Variants in STK32C observed in about 807,000 individuals in gnomAD.
STK32C encodes the protein serine/threonine-protein kinase 32C.
A neutral mutation model predicts 56.5 loss-of-function variants in STK32C; 31 were observed. That is an observed-to-expected ratio of 0.55 (90% CI 0.41 to 0.74). The LOEUF is 0.74. Ranked by LOEUF, STK32C falls within the 30% of genes least tolerant of loss-of-function variation. The pLI is 0.00. For missense variants in STK32C, 544 were observed against 676.9 expected (o/e 0.80, Z 2.18); for synonymous variants, 309 against 289.4 (o/e 1.07, Z -0.69).
At chr10:132,209,822 G>A (rs1051198374) in intron 10 of STK32C, among the ~76,000 whole-genome samples, 5 of 152,218 alleles carry the variant, frequency 3.3e-5, no homozygotes, top group Non-Finnish European at 5.9e-5. Context: ...CCAAGTCACA[G>A]TGAAAAGTGC....
At chr10:132,290,129 T>C (rs1442069048) in intron 1 of STK32C, among the ~76,000 whole-genome samples, 1 of 152,032 alleles carries the variant, frequency 6.6e-6, no homozygotes, top group Non-Finnish European at 1.5e-5. Flanking sequence ...AGCAGATGCC[T>C]CCACCATAGA....
intron 1 of STK32C, among the ~76,000 whole-genome samples, chr10:132,305,445 T>C (rs2066029585): frequency 6.6e-6 from 1 of 152,192 alleles, no homozygotes; most frequent in Non-Finnish European, 1.5e-5. Flanking sequence ...TGTTTTAATC[T>C]AAAAAATTCA....
downstream of STK32C, among the ~76,000 whole-genome samples, chr10:132,319,578 G>A (rs769356414): frequency 6.6e-6 from 1 of 152,186 alleles, no homozygotes; most frequent in Admixed American, 6.5e-5. Context: ...ATGAAAAGAC[G>A]ACATACTGTC....
At position 132,255,856 on chromosome 10, in the gene STK32C, G is replaced by A. The variant is rs760108154; in HGVS notation, c.263-9901C>T. 2.6e-5 allele frequency among the ~76,000 whole-genome samples: 4 copies of A among 152,186 alleles called. No homozygotes were observed. Among genetic ancestry groups the A allele is most frequent in the Non-Finnish European group, 5.9e-5 (4 of 68,028 alleles). ...ACGTGCGCTGCCCACGCATCTCCGA[G>A]GGCCCAGCTGGCCACCTTCTCCTTC... On this transcript the variant is annotated intron_variant, in intron 1 of 11. Coordinates refer to ENST00000298630, the MANE Select transcript of STK32C (RefSeq NM_173575.4). This position sits in a 1 kb window ranked among gnomAD's most constrained non-coding sequence, Gnocchi z 4.6.
chr10:132,252,256 G>T (rs564064069), intron 1 of STK32C, among the ~76,000 whole-genome samples: 2 of 152,380 alleles, frequency 1.3e-5, no homozygotes, highest in African/African-American at 4.8e-5. Context: ...TCAGTGTGGG[G>T]GAAACACTCA....
rs187880726 is a variant in STK32C, at chr10:132,317,807, G to A, written c.301+13629C>T. ...ATCCTGGCCAACATGGTAAAACCCC[G>A]TCTCTGCTAAAAATACAAAAATTAG... On this transcript the variant is annotated intron_variant, in intron 1 of 3. Coordinates refer to the STK32C transcript ENST00000368620. Among the ~76,000 whole-genome samples the A allele has an allele frequency of 1.9e-3, 288 of 151,996 alleles. 5 individuals are homozygous for A. Among genetic ancestry groups the A allele is most frequent in the Non-Finnish European group, 2.5e-3 (168 of 67,964 alleles).
chr10:132,235,723 G>A (rs146619775), intron 2 of STK32C, among the ~76,000 whole-genome samples: 8 of 152,050 alleles, frequency 5.3e-5, no homozygotes, highest in African/African-American at 1.2e-4. Context: ...AGTGACCGGC[G>A]GTCACGGACC....
At chr10:132,285,051 G>A (rs370244316) in intron 1 of STK32C, among the ~76,000 whole-genome samples, 8 of 119,184 alleles carry the variant, frequency 6.7e-5, no homozygotes, top group Non-Finnish European at 1.0e-4. Context: ...GCATGAACCC[G>A]GAACACATTC....
chr10:132,321,582 C>T (rs1302736825), downstream of STK32C, among the ~76,000 whole-genome samples: 1 of 152,158 alleles, frequency 6.6e-6, no homozygotes, highest in Non-Finnish European at 1.5e-5. Flanking sequence ...ATAATCCCAG[C>T]ACTTTGGGAG....
chr10:132,212,460 T>A (rs1431265722), intron 10 of STK32C, among the ~76,000 whole-genome samples: 1 of 152,114 alleles, frequency 6.6e-6, no homozygotes, highest in African/African-American at 2.4e-5. Context: ...GCTGAAACTA[T>A]ACAAGACTTA....
chr10:132,281,178 GACAC>G (rs10556901), intron 1 of STK32C, among the ~76,000 whole-genome samples: 6,608 of 149,234 alleles, frequency 0.044, 165 homozygotes, highest in African/African-American at 0.075. Context: ...GATCCTCGTG[GACAC>G]ACACACACAC....
chr10:132,311,638 C>T (rs1439429860), upstream of STK32C, among the ~76,000 whole-genome samples: 1 of 152,236 alleles, frequency 6.6e-6, no homozygotes, highest in East Asian at 1.9e-4. The surrounding 1 kb of genome is among the most constrained non-coding windows in gnomAD (Gnocchi z 4.4). Flanking sequence ...CTGCAGTGCG[C>T]CGGGGCCGAG....
intron 2 of STK32C, among the ~76,000 whole-genome samples, chr10:132,237,096 G>C (rs72636967): frequency 6.6e-5 from 10 of 152,142 alleles, no homozygotes; most frequent in African/African-American, 2.2e-4. Context: ...ACAGCCTCCC[G>C]ACTGTTGAGA....
chr10:132,220,547 G>C (rs1167781152), intron 10 of STK32C, among the ~76,000 whole-genome samples: 1 of 152,226 alleles, frequency 6.6e-6, no homozygotes, highest in East Asian at 1.9e-4. Context: ...AGACTCAAAA[G>C]AGGACTAAAG....
Position 132,224,522 on chromosome 10 carries a change from C to G in STK32C, c.878G>C (p.Arg293Thr). ...GTTGCTGGAGTGGATGTCATAGGGC[C>G]TCTGGAGACAGGGAGGCAGTGCTGG... ...VMAYELLRGWRPYDIHSSNAV... is the reference protein window; with the variant it reads ...VMAYELLRGWTPYDIHSSNAV... Residue 293 changes from arginine to threonine, a missense_variant and splice_region_variant, in exon 8 of 12, where the codon AGG becomes ACG. Arg to Thr is a moderately conservative substitution (Grantham distance 71, BLOSUM62 -1). Transcript: ENST00000298630. 6.3e-7 allele frequency: 1 copy of G among 1,592,354 alleles called. No individual in the cohort carries two copies. The highest frequency in any genetic ancestry group is 8.5e-7 in the Non-Finnish European group (1 of 1,170,258).
At chr10:132,273,743 C>T (rs948243757) in intron 1 of STK32C, among the ~76,000 whole-genome samples, 1 of 151,950 alleles carries the variant, frequency 6.6e-6, no homozygotes, top group Non-Finnish European at 1.5e-5. Flanking sequence ...AATGAATGCA[C>T]AGTGAATGAA....
At chr10:132,264,110 C>G (rs545598065) in intron 1 of STK32C, among the ~76,000 whole-genome samples, 3 of 152,202 alleles carry the variant, frequency 2.0e-5, no homozygotes, top group African/African-American at 7.2e-5. Flanking sequence ...AATCAGTAGG[C>G]ATGGAGTCTC....
intron 1 of STK32C, among the ~76,000 whole-genome samples, chr10:132,328,176 G>A (rs940614133): frequency 5.3e-5 from 8 of 152,170 alleles, no homozygotes; most frequent in Non-Finnish European, 8.8e-5. Context: ...GTCTCCCTGC[G>A]CATTCTGGGA....
intron 1 of STK32C, among the ~76,000 whole-genome samples, chr10:132,306,462 G>C (rs1316111602): frequency 6.6e-6 from 1 of 152,258 alleles, no homozygotes; most frequent in African/African-American, 2.4e-5. Flanking sequence ...TGGGCCTTCA[G>C]CCCTCCTTCT....
Sources: allele counts gnomAD v4.1 joint callset (sites outside exome capture counted in the v4.1 genomes callset), GRCh38; gene constraint gnomAD v4.1.1; non-coding constraint Gnocchi (gnomAD v3.1); transcripts MANE v1.5; gene names NCBI Gene and HGNC (gene_info 2026-07-23, HGNC 2026-07-21).